PRKN: variants seen among roughly 807,000 people sequenced by gnomAD.
The protein encoded by PRKN is E3 ubiquitin-protein ligase parkin.
PRKN carries 56 observed loss-of-function variants against 59.5 expected under a neutral mutation model. The observed-to-expected ratio is 0.94, with a 90% CI of 0.76 to 1.18. The LOEUF (loss-of-function observed/expected upper bound fraction) is 1.18. PRKN is among the 50% of genes most tolerant of loss of function. PRKN has a pLI of 0.00. For missense variants in PRKN, 657 were observed against 596.4 expected (o/e 1.10, Z -1.06); for synonymous variants, 250 against 222.1 (o/e 1.13, Z -1.12).
rs900102469 is a variant in PRKN, at chr6:161,410,445, G to A, written c.1084-23568C>T. 6.6e-6 allele frequency among the ~76,000 whole-genome samples: 1 copy of A among 152,152 alleles called. No homozygotes were observed. Among genetic ancestry groups the A allele is most frequent in the African/African-American group, 2.4e-5 (1 of 41,434 alleles). On this transcript the variant is annotated intron_variant, in intron 9 of 11. Coordinates refer to ENST00000366898, the MANE Select transcript of PRKN (RefSeq NM_004562.3). This position sits in a 1 kb window ranked among gnomAD's most constrained non-coding sequence, Gnocchi z 5.3. ...GGCACCAGCTTTTAAGTAAGGATGA[G>A]GGCTTCCCAACCAACTGTAAGGGGG...
chr6:161,360,243 T>C lies in PRKN; in HGVS notation c.1168-38A>G. 1.4e-6 allele frequency: 2 copies of C among 1,455,546 alleles called. No individual in the cohort carries two copies. The highest frequency in any genetic ancestry group is 1.9e-6 in the Non-Finnish European group (2 of 1,034,664). 90.2% of individuals were successfully genotyped at this position (1,455,546 alleles called of 1,614,324 possible). ...AGAGGAAAGGCGTTTAATCTCAGCT[T>C]TCTATTACTGGGATCAGAGTTTATG... On this transcript the variant is annotated intron_variant, in intron 10 of 11. Transcript: ENST00000366898. The surrounding 1 kb of genome is among the most constrained non-coding windows in gnomAD (Gnocchi z 5.1).
intron 4 of PRKN, among the ~76,000 whole-genome samples, chr6:162,192,299 C>G (rs1025453350): frequency 6.6e-5 from 10 of 152,042 alleles, no homozygotes; most frequent in Admixed American, 3.9e-4. Flanking sequence ...GTAAGTAATA[C>G]TGGCTTGGTG....
At chr6:162,018,172 G>A (rs956274327) in intron 5 of PRKN, among the ~76,000 whole-genome samples, 2 of 152,038 alleles carry the variant, frequency 1.3e-5, no homozygotes, top group East Asian at 1.9e-4. Flanking sequence ...GACTACAGGC[G>A]CCCATCGCCA....
chr6:161,837,130 G>A (rs1792790294), intron 6 of PRKN, among the ~76,000 whole-genome samples: 1 of 152,068 alleles, frequency 6.6e-6, no homozygotes, highest in Non-Finnish European at 1.5e-5. Flanking sequence ...GACACCAGAT[G>A]GAAGAAAATG....
intron 6 of PRKN, among the ~76,000 whole-genome samples, chr6:161,954,450 C>T (rs1780099265): frequency 6.6e-6 from 1 of 152,172 alleles, no homozygotes; most frequent in South Asian, 2.1e-4. Flanking sequence ...TTTTCCACTC[C>T]ATTCGCCTTG....
At chr6:161,696,022 G>A (rs1435031073) in intron 7 of PRKN, among the ~76,000 whole-genome samples, 3 of 152,114 alleles carry the variant, frequency 2.0e-5, no homozygotes, top group Admixed American at 1.3e-4. Flanking sequence ...CATTACATAC[G>A]TCTCTCATTA....
chr6:161,731,312 ACT>A (rs1787702395), intron 7 of PRKN, among the ~76,000 whole-genome samples: 1 of 152,254 alleles, frequency 6.6e-6, no homozygotes, highest in Non-Finnish European at 1.5e-5. Flanking sequence ...CTGAAAAAAC[ACT>A]GTGAACTATT....
intron 2 of PRKN, among the ~76,000 whole-genome samples, chr6:162,355,495 C>T (rs73028982): frequency 6.6e-6 from 1 of 151,686 alleles, no homozygotes; most frequent in Non-Finnish European, 1.5e-5. Context: ...TCAGGAAATA[C>T]CTCTAAACAA....
At chr6:162,507,028 C>T (rs950990683) in intron 1 of PRKN, among the ~76,000 whole-genome samples, 1 of 152,074 alleles carries the variant, frequency 6.6e-6, no homozygotes, top group African/African-American at 2.4e-5. Context: ...GTAAAAAAGA[C>T]CTGGGTTCTT....
chr6:162,196,054 A>T (rs1562572989), intron 4 of PRKN, among the ~76,000 whole-genome samples: 1 of 152,180 alleles, frequency 6.6e-6, no homozygotes. Flanking sequence ...TTCCTATCCC[A>T]GGGGCTTTGC....
chr6:162,454,703 AT>A (rs1176195626), intron 1 of PRKN, among the ~76,000 whole-genome samples: 1 of 152,186 alleles, frequency 6.6e-6, no homozygotes, highest in African/African-American at 2.4e-5. Flanking sequence ...CTGGAAACAC[AT>A]TTATGGCTGT....
chr6:161,785,788 G>A lies in PRKN; in HGVS notation c.855C>T (p.Tyr285=), dbSNP rs2128206624. The A allele has an allele frequency of 1.9e-6, 3 of 1,614,084 alleles. No homozygotes were observed. The highest frequency in any genetic ancestry group is 2.2e-5 in the South Asian group (2 of 91,048). Residue 285 remains tyrosine (Y), a synonymous_variant, in exon 7 of 12, where the codon TAC becomes TAT. Coordinates refer to ENST00000366898, the MANE Select transcript of PRKN (RefSeq NM_004562.3). ...TAGACTTACCCACACAAGGCAGGGA[G>A]TAGCCAAGTTGAGGGTCGTGAACAA... ...RQFVHDPQLG[Y]SLPCVAGCPN...
intron 7 of PRKN, among the ~76,000 whole-genome samples, chr6:161,599,381 T>C (rs955524788): frequency 9.2e-5 from 14 of 152,202 alleles, no homozygotes; most frequent in Non-Finnish European, 2.1e-4. Flanking sequence ...GATCAAATCA[T>C]AGAAAATAGA....
At chr6:161,603,374 C>T (rs1782172487) in intron 7 of PRKN, among the ~76,000 whole-genome samples, 1 of 152,192 alleles carries the variant, frequency 6.6e-6, no homozygotes, top group South Asian at 2.1e-4. Flanking sequence ...TGGGAATCGT[C>T]CAAATAAGGT....
rs890925827 is a variant in PRKN at position 161,518,585 on chromosome 6, A to G, written c.1083+30269T>C. Among the ~76,000 whole-genome samples the G allele has an allele frequency of 6.6e-6, 1 of 152,138 alleles. No individual in the cohort carries two copies. The highest frequency in any genetic ancestry group is 1.5e-5 in the Non-Finnish European group (1 of 68,010). The stretch of plus-strand genomic sequence containing the variant: ...GTTCCACCACCTTCTGGCAAAGAGC[A>G]TTATTGGTTCAATGTTAATGCCACG... On this transcript the variant is annotated intron_variant, in intron 9 of 11. Coordinates refer to ENST00000366898, the MANE Select transcript of PRKN (RefSeq NM_004562.3). This position sits in a 1 kb window ranked among gnomAD's most constrained non-coding sequence, Gnocchi z 5.0.
intron 5 of PRKN, among the ~76,000 whole-genome samples, chr6:162,013,617 C>A (rs746619876): frequency 6.6e-6 from 1 of 152,148 alleles, no homozygotes; most frequent in Non-Finnish European, 1.5e-5. Context: ...TGATTCCAAT[C>A]AAGCATCACA....
rs1781616449 is a variant in PRKN, at chr6:161,588,933, T to G, written c.872-19517A>C. ...CCCAGATATTTTTGTTAACCTGAAA[T>G]GCAAATGTAACCGGTATCCTCTAGT... is the stretch of plus-strand genomic sequence containing the variant. On this transcript the variant is annotated intron_variant, in intron 7 of 11. Coordinates refer to ENST00000366898, the MANE Select transcript of PRKN (RefSeq NM_004562.3). This position sits in a 1 kb window ranked among gnomAD's most constrained non-coding sequence, Gnocchi z 5.0. 6.6e-6 allele frequency among the ~76,000 whole-genome samples: 1 copy of G among 152,130 alleles called. No homozygotes were observed. The highest frequency in any genetic ancestry group is 1.5e-5 in the Non-Finnish European group (1 of 68,022).
At chr6:161,674,484 AT>A (rs1454448126) in intron 7 of PRKN, among the ~76,000 whole-genome samples, 1 of 152,096 alleles carries the variant, frequency 6.6e-6, no homozygotes, top group Non-Finnish European at 1.5e-5. Context: ...TAAAATGCAC[AT>A]TTTTCCCACA....
rs1779950912 is a variant in PRKN, at chr6:162,262,782, T to TTAAA, written c.172-18_172-17insTTTA. ...GTCACAATTCTGTTTGGGAGCAAGG[T>TTAAA]AAAAAAAAAAAAAAAAAAAAAGGAA... On this transcript the variant is annotated splice_polypyrimidine_tract_variant and intron_variant, in intron 2 of 11. Transcript: ENST00000366898. The TTAAA allele has an allele frequency of 7.3e-6, 10 of 1,361,524 alleles. No homozygotes were observed. The East Asian group carries it at 7.9e-5, about 11-fold the overall frequency. The allele number at this position is 1,361,524 out of a possible 1,614,324, so 84.3% of individuals were successfully genotyped here.
Sources: allele counts gnomAD v4.1 joint callset (sites outside exome capture counted in the v4.1 genomes callset), GRCh38; gene constraint gnomAD v4.1.1; non-coding constraint Gnocchi (gnomAD v3.1); transcripts MANE v1.5; gene names NCBI Gene and HGNC (gene_info 2026-07-23, HGNC 2026-07-21).